Variants in CNTN5 observed in about 807,000 individuals in gnomAD.
CNTN5 encodes the protein contactin 5, also known as contactin-5.
CNTN5 carries 77 observed loss-of-function variants against 129.1 expected under a neutral mutation model. That is an observed-to-expected ratio of 0.60 (90% CI 0.50 to 0.72). The LOEUF (loss-of-function observed/expected upper bound fraction) is 0.72. Ranked by LOEUF, CNTN5 falls within the 30% of genes least tolerant of loss-of-function variation. CNTN5 has a pLI of 0.00. For missense variants in CNTN5, 1,478 were observed against 1,328.8 expected, an observed-to-expected ratio of 1.11 and a Z score of -1.75; for synonymous variants, 509 against 465.6, an observed-to-expected ratio of 1.09 and a Z score of -1.20.
chr11:100,200,591 G>C (rs769894759), intron 15 of CNTN5, among the ~76,000 whole-genome samples: 12 of 151,860 alleles, frequency 7.9e-5, no homozygotes, highest in Non-Finnish European at 1.2e-4. Context: ...TTGTCAGAGA[G>C]AGAATATAAA....
At chr11:99,991,665 C>T (rs1344443464) in intron 8 of CNTN5, among the ~76,000 whole-genome samples, 1 of 152,136 alleles carries the variant, frequency 6.6e-6, no homozygotes, top group East Asian at 1.9e-4. Flanking sequence ...TGACTTAATT[C>T]TGTCTTAATT....
intron 9 of CNTN5, chr11:100,003,865 G>C (rs945125297): frequency 1.3e-5 from 2 of 152,026 alleles, no homozygotes; most frequent in African/African-American, 2.4e-5. Context: ...TTTATCACTT[G>C]GTGTCCTTTC....
intron 1 of CNTN5, among the ~76,000 whole-genome samples, chr11:99,029,786 G>C (rs759269269): frequency 6.6e-6 from 1 of 152,074 alleles, no homozygotes; most frequent in South Asian, 2.1e-4. Flanking sequence ...GATGATATTT[G>C]AGTTTCTTCT....
chr11:100,081,464 T>C (rs904452874), intron 13 of CNTN5, among the ~76,000 whole-genome samples: 1 of 152,162 alleles, frequency 6.6e-6, no homozygotes, highest in Admixed American at 6.6e-5. Context: ...TGCATCTTAC[T>C]ACAGAAGCTG....
rs533748001 is a variant in CNTN5, at chr11:99,845,661, C to T, written c.577+399C>T. ...TGCTGGGATTACAGGCGTGAGCCAC[C>T]GCGCCCGGCCCTTCTTGGGATATTT... On this transcript the variant is annotated intron_variant, in intron 6 of 24. Coordinates refer to ENST00000524871, the MANE Select transcript of CNTN5 (RefSeq NM_014361.4). 7.2e-5 allele frequency among the ~76,000 whole-genome samples: 11 copies of T among 152,180 alleles called. No individual in the cohort carries two copies. The South Asian group carries it at 1.7e-3, about 23-fold the overall frequency.
chr11:100,187,600 T>G (rs1948340858), intron 13 of CNTN5, among the ~76,000 whole-genome samples: 1 of 152,002 alleles, frequency 6.6e-6, no homozygotes, highest in South Asian at 2.1e-4. Context: ...GACAGACACA[T>G]AGACCAATGG....
chr11:100,185,372 T>C (rs933497260), intron 13 of CNTN5, among the ~76,000 whole-genome samples: 2 of 152,100 alleles, frequency 1.3e-5, no homozygotes, highest in Admixed American at 6.6e-5. Context: ...AGATTCATTC[T>C]CCACCCTTCA....
At chr11:99,242,837 A>G (rs552228164) in intron 1 of CNTN5, among the ~76,000 whole-genome samples, 5 of 152,222 alleles carry the variant, frequency 3.3e-5, no homozygotes, top group African/African-American at 1.2e-4. Flanking sequence ...ATGGCTTTAT[A>G]GTATTCCATG....
At chr11:99,100,149 T>G (rs1866653518) in intron 1 of CNTN5, among the ~76,000 whole-genome samples, 1 of 152,186 alleles carries the variant, frequency 6.6e-6, no homozygotes, top group South Asian at 2.1e-4. Context: ...AAACAATATT[T>G]TTAAAGAGAG....
intron 2 of CNTN5, among the ~76,000 whole-genome samples, chr11:99,368,839 G>A (rs1185933880): frequency 1.3e-5 from 2 of 152,112 alleles, no homozygotes; most frequent in East Asian, 3.9e-4. Flanking sequence ...CAATAGGGGA[G>A]AGAGAGTGAA....
intron 2 of CNTN5, among the ~76,000 whole-genome samples, chr11:99,362,961 C>T (rs1006738564): frequency 1.3e-5 from 2 of 151,862 alleles, no homozygotes; most frequent in African/African-American, 4.8e-5. Flanking sequence ...AGTCTTCCAA[C>T]TTTATTTTTC....
At chr11:99,813,800 A>G (rs79417070) in intron 3 of CNTN5, among the ~76,000 whole-genome samples, 5,350 of 152,270 alleles carry the variant, frequency 0.035, 136 homozygotes, top group South Asian at 0.1. Flanking sequence ...TAACTGTGTC[A>G]TACACTCCTA....
chr11:99,198,176 C>T (rs942785442), intron 1 of CNTN5, among the ~76,000 whole-genome samples: 3 of 152,064 alleles, frequency 2.0e-5, no homozygotes, highest in African/African-American at 7.2e-5. Context: ...TTTCTGTCTT[C>T]CCCTACAATG....
intron 9 of CNTN5, among the ~76,000 whole-genome samples, chr11:100,044,757 T>G: frequency 7.0e-6 from 1 of 143,194 alleles, no homozygotes; most frequent in African/African-American, 2.4e-5. Flanking sequence ...AGTTTGCAAA[T>G]ATTTTATCCC....
intron 18 of CNTN5, among the ~76,000 whole-genome samples, chr11:100,296,187 T>C (rs111498912): frequency 0.016 from 2,394 of 151,630 alleles, 70 homozygotes; most frequent in African/African-American, 0.055. Context: ...TAATACTACA[T>C]AACAGTGGTT....
chr11:100,353,157 C>T (rs1252087402), intron 24 of CNTN5, among the ~76,000 whole-genome samples: 3 of 151,386 alleles, frequency 2.0e-5, no homozygotes, highest in African/African-American at 7.3e-5. Flanking sequence ...ACTTCTACTC[C>T]AAGAAAAAAA....
chr11:99,483,219 A>G (rs1219561026), intron 2 of CNTN5, among the ~76,000 whole-genome samples: 1 of 151,930 alleles, frequency 6.6e-6, no homozygotes, highest in Non-Finnish European at 1.5e-5. Context: ...GAACAGAAAC[A>G]AAAGGAAGTA....
intron 7 of CNTN5, among the ~76,000 whole-genome samples, chr11:99,942,789 G>A (rs900210208): frequency 3.9e-5 from 6 of 151,948 alleles, no homozygotes; most frequent in African/African-American, 1.5e-4. Context: ...TTGGTTTTCT[G>A]TTCCTGTGTT....
intron 13 of CNTN5, among the ~76,000 whole-genome samples, chr11:100,119,214 G>A (rs896772893): frequency 1.3e-5 from 2 of 151,892 alleles, no homozygotes; most frequent in Non-Finnish European, 2.9e-5. Flanking sequence ...ACACACGATT[G>A]CTGTATTCTC....
Sources: allele counts gnomAD v4.1 joint callset (sites outside exome capture counted in the v4.1 genomes callset), GRCh38; gene constraint gnomAD v4.1.1; transcripts MANE v1.5; gene names NCBI Gene and HGNC (gene_info 2026-07-23, HGNC 2026-07-21).